The following TRPM7 variants were observed in gnomAD, a reference collection of about 807,000 sequenced individuals.
The protein encoded by TRPM7 is transient receptor potential cation channel subfamily M member 7, also known as LTRPC ion channel family member 7.
Under a neutral mutation model 229.7 loss-of-function variants are expected in TRPM7, and 134 were observed. That is an observed-to-expected ratio of 0.58 (90% confidence interval 0.51 to 0.67). The LOEUF (loss-of-function observed/expected upper bound fraction) is 0.67, where lower values mean the gene tolerates loss of function less well. Among genes scored for constraint, TRPM7 ranks in the 30% least tolerant of loss-of-function variants. The pLI is 0.00. For synonymous variants in TRPM7, 699 were observed against 715.2 expected (o/e 0.98, Z 0.36); for missense variants, 1,901 against 2,210.0 (o/e 0.86, Z 2.80).
intron 27 of TRPM7, among the ~76,000 whole-genome samples, chr15:50,588,638 T>C (rs1356632412): frequency 1.3e-5 from 2 of 152,186 alleles, no homozygotes; most frequent in South Asian, 2.1e-4. Context: ...ACTGTGTATG[T>C]CACTTAACAT....
At chr15:50,659,944 C>T (rs1448737548) in intron 2 of TRPM7, among the ~76,000 whole-genome samples, 4 of 152,224 alleles carry the variant, frequency 2.6e-5, no homozygotes, top group South Asian at 2.1e-4. Flanking sequence ...GGATTACAGG[C>T]GTGAGCCACC....
chr15:50,662,097 G>A (rs138682967), intron 2 of TRPM7, among the ~76,000 whole-genome samples: 4,061 of 152,206 alleles, frequency 0.027, 88 homozygotes, highest in Non-Finnish European at 0.039. Flanking sequence ...GCTCACGCCT[G>A]TAATCCCAGC....
intron 22 of TRPM7, among the ~76,000 whole-genome samples, chr15:50,597,515 A>G (rs551692518): frequency 2.6e-5 from 4 of 152,360 alleles, no homozygotes; most frequent in African/African-American, 9.6e-5. Flanking sequence ...TTCTATTCAG[A>G]TTAGTTTGCG....
At position 50,561,429 on chromosome 15, in the gene TRPM7, C is replaced by A; in HGVS notation, c.*249G>T. The stretch of plus-strand genomic sequence containing the variant: ...GAGATCCTCTGCTATACAAAGAGCC[C>A]TTTAAAAAGTTATAAATACTAATTA... On this transcript the variant is annotated 3_prime_UTR_variant, in exon 39 of 39. Transcript: ENST00000646667. The A allele has an allele frequency of 2.6e-6, 1 of 389,958 alleles. No individual in the cohort carries two copies. The highest frequency in any genetic ancestry group is 7.0e-4 in the Middle Eastern group (1 of 1,428). 24.2% of individuals were successfully genotyped at this position (389,958 alleles called of 1,614,324 possible).
In TRPM7 at chr15:50,578,652, T is replaced by G. The variant is rs770610373; in HGVS notation, c.4605A>C (p.Glu1535Asp). The G allele has an allele frequency of 6.2e-7, 1 of 1,609,684 alleles. No homozygotes were observed. The highest frequency in any genetic ancestry group is 2.2e-5 in the East Asian group (1 of 44,778). The change falls in exon 31 of 39, where the codon GAA (glutamate) becomes GAC (aspartate). Residue 1535 changes from glutamate to aspartate, a missense_variant. By Grantham distance (45) the Glu-to-Asp change is conservative. Coordinates refer to ENST00000646667, the MANE Select transcript of TRPM7 (RefSeq NM_017672.6). The stretch of plus-strand genomic sequence containing the variant: ...ACACAGACTCACCATTTAATGTTCC[T>G]TCTTCAGATGGCCTAAAGAAACACC... ...RPSNREMPSE[E>D]GTLNGLTSPF...
chr15:50,613,004 TGTTTCAAC>T (rs2060105648), intron 15 of TRPM7, among the ~76,000 whole-genome samples, 175 bp from the exon 16 acceptor site: 1 of 152,210 alleles, frequency 6.6e-6, no homozygotes, highest in Non-Finnish European at 1.5e-5. Flanking sequence ...ATGAAAATGC[TGTTTCAAC>T]AAAAATGCCT....
intron 2 of TRPM7, among the ~76,000 whole-genome samples, chr15:50,658,775 G>C (rs1005727882): frequency 1.3e-5 from 2 of 152,148 alleles, no homozygotes; most frequent in African/African-American, 4.8e-5. Flanking sequence ...AATGAAAATT[G>C]TACAAGGTCG....
chr15:50,571,607 G>A (rs998287107), intron 36 of TRPM7, among the ~76,000 whole-genome samples: 10 of 151,942 alleles, frequency 6.6e-5, no homozygotes, highest in Non-Finnish European at 1.5e-4. Context: ...GATCCCAGTT[G>A]GGGTAAAACC....
intron 2 of TRPM7, among the ~76,000 whole-genome samples, chr15:50,658,409 C>G (rs1486252090): frequency 7.0e-6 from 1 of 143,590 alleles, no homozygotes; most frequent in Non-Finnish European, 1.5e-5. Context: ...TCCGTCTCTA[C>G]AAAAAAAAAA....
chr15:50,658,900 A>G lies in TRPM7; in HGVS notation c.84-1081T>C, dbSNP rs182944726. On this transcript the variant is annotated intron_variant, in intron 2 of 38. Transcript: ENST00000646667. ...AGACATAATTAAATAGGCTGCAACA[A>G]TTAAGAACAAACTAGTGGCCAGGCG... Among the ~76,000 whole-genome samples, 455 of 152,352 alleles carry G rather than the reference A, an allele frequency of 3.0e-3. 3 individuals are homozygous for G. Among genetic ancestry groups the G allele is most frequent in the African/African-American group, 0.011 (443 of 41,588 alleles).
chr15:50,639,369 A>G, intron 6 of TRPM7, 55 bp downstream of exon 6: 2 of 1,406,406 alleles, frequency 1.4e-6, no homozygotes, highest in Non-Finnish European at 9.6e-7. Context: ...TATTCTTACT[A>G]TAATTTTGTT....
At chr15:50,644,784 C>T (rs566777991) in intron 4 of TRPM7, among the ~76,000 whole-genome samples, 41 of 118,104 alleles carry the variant, frequency 3.5e-4, no homozygotes, top group African/African-American at 1.4e-3. Flanking sequence ...GCAACAAGAG[C>T]GAAACTGCGT....
intron 9 of TRPM7, among the ~76,000 whole-genome samples, chr15:50,632,537 T>C (rs1000985095): frequency 2.0e-5 from 3 of 152,192 alleles, no homozygotes; most frequent in Non-Finnish European, 2.9e-5. Flanking sequence ...AAAATTTTTT[T>C]CCAAACATTT....
chr15:50,633,467 C>T (rs1021973247), intron 8 of TRPM7, among the ~76,000 whole-genome samples: 5 of 152,208 alleles, frequency 3.3e-5, no homozygotes, highest in African/African-American at 1.2e-4. Context: ...CCAGTTCTAT[C>T]ACAACTATTT....
At chr15:50,606,165 G>A (rs981713280) in intron 20 of TRPM7, among the ~76,000 whole-genome samples, 10 of 152,150 alleles carry the variant, frequency 6.6e-5, no homozygotes, top group African/African-American at 2.4e-4. Flanking sequence ...CGGATCATGA[G>A]GTCAGGAGTT....
intron 15 of TRPM7, among the ~76,000 whole-genome samples, 172 bp from the exon 16 acceptor site, chr15:50,613,001 T>C (rs1430641549): frequency 6.6e-6 from 1 of 152,194 alleles, no homozygotes; most frequent in Non-Finnish European, 1.5e-5. Flanking sequence ...TTTATGAAAA[T>C]GCTGTTTCAA....
chr15:50,625,902 A>C (rs1344919540), intron 11 of TRPM7, among the ~76,000 whole-genome samples: 1 of 151,738 alleles, frequency 6.6e-6, no homozygotes, highest in African/African-American at 2.4e-5. Flanking sequence ...GTAGTTTATC[A>C]TGGCATCGTA....
At chr15:50,566,566 C>T (rs1354645207) in intron 38 of TRPM7, among the ~76,000 whole-genome samples, 5 of 152,018 alleles carry the variant, frequency 3.3e-5, no homozygotes, top group Non-Finnish European at 5.9e-5. Context: ...TGTGGTGGCA[C>T]GTACCTGTAG....
At chr15:50,596,659 A>C (rs564731276) in intron 22 of TRPM7, among the ~76,000 whole-genome samples, 1 of 152,282 alleles carries the variant, frequency 6.6e-6, no homozygotes, top group African/African-American at 2.4e-5. Context: ...TGTTATATTT[A>C]CCCTTCGAGG....
Sources: allele counts gnomAD v4.1 joint callset (sites outside exome capture counted in the v4.1 genomes callset), GRCh38; gene constraint gnomAD v4.1.1; transcripts MANE v1.5; gene names NCBI Gene and HGNC (gene_info 2026-07-23, HGNC 2026-07-21).